Variants in UBL3 observed in about 807,000 individuals in gnomAD.
The protein encoded by UBL3 is ubiquitin like 3, also known as ubiquitin-like protein 3.
Under a neutral mutation model 18.4 loss-of-function variants are expected in UBL3, and 6 were observed. The observed-to-expected ratio is 0.33, with a 90% CI of 0.18 to 0.64. The LOEUF is 0.64. Among genes scored for constraint, UBL3 ranks in the 30% least tolerant of loss-of-function variants. The pLI, the probability that UBL3 is intolerant of heterozygous loss-of-function variation, is 0.76. For missense variants in UBL3, 109 were observed against 142.9 expected, an observed-to-expected ratio of 0.76 and a Z score of 1.21; for synonymous variants, 49 against 46.6, an observed-to-expected ratio of 1.05 and a Z score of -0.21.
chr13:29,773,510 T>C (rs1166358227), intron 2 of UBL3, among the ~76,000 whole-genome samples: 1 of 152,180 alleles, frequency 6.6e-6, no homozygotes, highest in Non-Finnish European at 1.5e-5. Flanking sequence ...AAGTGCTCCA[T>C]AGATACAAAG....
chr13:29,778,551 G>C (rs1274734929), intron 1 of UBL3, among the ~76,000 whole-genome samples: 2 of 152,084 alleles, frequency 1.3e-5, no homozygotes, highest in African/African-American at 4.8e-5. Context: ...CATTGCACCA[G>C]TTTGAATTGT....
chr13:29,769,212 A>G (rs1168679244), intron 3 of UBL3, among the ~76,000 whole-genome samples: 1 of 152,132 alleles, frequency 6.6e-6, no homozygotes, highest in Non-Finnish European at 1.5e-5. Flanking sequence ...AAAGGTAGGT[A>G]AACTGAGATA....
Position 29,777,425 on chromosome 13 carries a change from T to C in UBL3, c.28-162A>G, listed in dbSNP as rs1593651073. 5.7e-6 allele frequency: 4 copies of C among 705,984 alleles called. No homozygotes were observed. In the East Asian group the frequency reaches 8.1e-5, roughly 14 times the overall value. 43.7% of individuals were successfully genotyped at this position (705,984 alleles called of 1,614,324 possible). ...AAACTTTTTTAAAAAGAATGGGAAT[T>C]TGATATTTGATTTTATTTCCTATTA... On this transcript the variant is annotated intron_variant, in intron 1 of 4. Transcript: ENST00000380680.
intron 1 of UBL3, among the ~76,000 whole-genome samples, chr13:29,819,982 C>A (rs1878383700): frequency 6.6e-6 from 1 of 152,034 alleles, no homozygotes; most frequent in African/African-American, 2.4e-5. Context: ...TACAAATAAG[C>A]TTTATAGGAT....
Position 29,775,251 on chromosome 13 carries a change from G to T in UBL3, c.136+1904C>A, listed in dbSNP as rs192285374. Among the ~76,000 whole-genome samples the T allele has an allele frequency of 7.6e-4, 115 of 152,228 alleles. 1 individual carries two copies. The highest frequency in any genetic ancestry group is 2.7e-3 in the African/African-American group (114 of 41,536). On this transcript the variant is annotated intron_variant, in intron 2 of 4. Coordinates refer to ENST00000380680, the MANE Select transcript of UBL3 (RefSeq NM_007106.4). The stretch of plus-strand genomic sequence containing the variant: ...CTGAATCAATCTTTTTTAGTTTTAT[G>T]ATTGTGTATATGAGTTAAGAAGAAT...
intron 1 of UBL3, among the ~76,000 whole-genome samples, chr13:29,814,858 A>C (rs909213825): frequency 4.6e-5 from 7 of 152,188 alleles, no homozygotes; most frequent in African/African-American, 1.7e-4. Flanking sequence ...CCTGGTTCAG[A>C]AAAATCATGC....
chr13:29,788,075 T>G (rs934385659), intron 1 of UBL3, among the ~76,000 whole-genome samples: 1 of 152,190 alleles, frequency 6.6e-6, no homozygotes, highest in South Asian at 2.1e-4. Flanking sequence ...CCGTTTTCTT[T>G]TGAATAGTTC....
rs1001393786 is a variant in UBL3 at position 29,780,967 on chromosome 13, A to C, written c.28-3704T>G. Among the ~76,000 whole-genome samples the C allele has an allele frequency of 1.5e-3, 222 of 152,300 alleles. 2 individuals carry two copies. The highest frequency in any genetic ancestry group is 1.8e-3 in the Non-Finnish European group (120 of 68,014). On this transcript the variant is annotated intron_variant, in intron 1 of 4. Coordinates refer to ENST00000380680, the MANE Select transcript of UBL3 (RefSeq NM_007106.4). ...GTCAAGTGGATCACCTGAGGTCAGG[A>C]GTTCGAGACCAGCCTGGCCAACCTG...
chr13:29,787,245 A>G (rs576730194), intron 1 of UBL3, among the ~76,000 whole-genome samples: 2 of 152,188 alleles, frequency 1.3e-5, no homozygotes, highest in African/African-American at 2.4e-5. Flanking sequence ...ATCAAAATAT[A>G]AAACTCACAA....
At chr13:29,779,309 T>A (rs1255837525) in intron 1 of UBL3, 1 of 449,054 alleles carries the variant, frequency 2.2e-6, no homozygotes, top group East Asian at 6.7e-5. Context: ...CCTATGAACT[T>A]ATACGGAATA....
At chr13:29,816,227 A>G (rs750029962) in intron 1 of UBL3, among the ~76,000 whole-genome samples, 4 of 152,172 alleles carry the variant, frequency 2.6e-5, no homozygotes, top group Non-Finnish European at 4.4e-5. Flanking sequence ...TAATATTATT[A>G]CATTACTTTG....
chr13:29,810,791 G>C (rs1352287729), intron 1 of UBL3, among the ~76,000 whole-genome samples: 1 of 152,080 alleles, frequency 6.6e-6, no homozygotes, highest in African/African-American at 2.4e-5. Context: ...TTGGAAACCA[G>C]CACTCTGCTT....
intron 1 of UBL3, among the ~76,000 whole-genome samples, chr13:29,827,385 T>C (rs909944263): frequency 2.6e-4 from 40 of 152,248 alleles, no homozygotes; most frequent in Non-Finnish European, 1.9e-4. Context: ...GGTACATATA[T>C]ATTTAGGATA....
intron 1 of UBL3, among the ~76,000 whole-genome samples, chr13:29,781,002 G>T (rs1249724504): frequency 1.3e-5 from 2 of 151,944 alleles, no homozygotes; most frequent in African/African-American, 4.8e-5. Flanking sequence ...GGTGAAACCC[G>T]GTCTCTAATA....
chr13:29,778,332 T>C (rs536459179), intron 1 of UBL3, among the ~76,000 whole-genome samples: 1 of 152,354 alleles, frequency 6.6e-6, no homozygotes, highest in South Asian at 2.1e-4. Context: ...TTAATTTTTA[T>C]CTGTTGTAAT....
intron 1 of UBL3, among the ~76,000 whole-genome samples, chr13:29,835,641 T>A (rs890363939): frequency 6.7e-6 from 1 of 148,958 alleles, no homozygotes; most frequent in South Asian, 2.1e-4. Context: ...TGTAGTCCCA[T>A]CTACTCGGGA....
At chr13:29,812,977 A>G (rs1026898010) in intron 1 of UBL3, among the ~76,000 whole-genome samples, 2 of 151,992 alleles carry the variant, frequency 1.3e-5, no homozygotes, top group African/African-American at 4.8e-5. Flanking sequence ...GTTGTGTTCT[A>G]TTTCTATTGG....
intron 2 of UBL3, 106 bp from the exon 3 acceptor site, chr13:29,772,304 G>A (rs1383558699): frequency 3.8e-6 from 3 of 781,672 alleles, no homozygotes; most frequent in Non-Finnish European, 5.9e-6. Flanking sequence ...TACAAAGAAG[G>A]CCCTTGGAGC....
intron 2 of UBL3, among the ~76,000 whole-genome samples, chr13:29,772,872 T>A (rs976688227): frequency 6.6e-6 from 1 of 152,086 alleles, no homozygotes; most frequent in African/African-American, 2.4e-5. Flanking sequence ...GACAAACTGG[T>A]AGGCAGAATG....
Sources: gnomAD v4.1 joint callset for allele counts (sites outside exome capture counted in the v4.1 genomes callset) on GRCh38, gnomAD v4.1.1 for gene constraint, MANE v1.5 for transcripts, NCBI Gene and HGNC (gene_info 2026-07-23, HGNC 2026-07-21) for gene names.